CBLN2: variants seen among roughly 807,000 people sequenced by gnomAD.
The protein encoded by CBLN2 is cerebellin 2 precursor, also known as cerebellin-2.
In CBLN2, 7 loss-of-function variants were observed where a neutral mutation model predicts 15.0. That is an observed-to-expected ratio of 0.47 (90% CI 0.27 to 0.88). The LOEUF (loss-of-function observed/expected upper bound fraction) is 0.88. CBLN2 is among the 40% of genes least tolerant of loss of function. CBLN2 has a pLI of 0.14. For missense variants in CBLN2, 242 were observed against 304.5 expected, an observed-to-expected ratio of 0.79 and a Z score of 1.53; for synonymous variants, 149 against 135.2, an observed-to-expected ratio of 1.10 and a Z score of -0.71.
intron 1 of CBLN2, among the ~76,000 whole-genome samples, chr18:72,611,084 T>G (rs1052704998): frequency 6.6e-6 from 1 of 152,246 alleles, no homozygotes; most frequent in Admixed American, 6.5e-5. Context: ...ATATTTTTTA[T>G]GGCTGCATAG....
At chr18:72,579,987 C>A (rs535980720) in intron 1 of CBLN2, among the ~76,000 whole-genome samples, 2 of 151,814 alleles carry the variant, frequency 1.3e-5, no homozygotes, top group South Asian at 4.2e-4. Context: ...TTAAATAGAT[C>A]AATAATTAAC....
At chr18:72,602,499 A>G (rs2144944271) in intron 1 of CBLN2, among the ~76,000 whole-genome samples, 1 of 151,156 alleles carries the variant, frequency 6.6e-6, no homozygotes, top group East Asian at 2.0e-4. Flanking sequence ...TCCCCAACTC[A>G]CCCCTGCATG....
intron 1 of CBLN2, among the ~76,000 whole-genome samples, chr18:72,585,916 G>A (rs1184095732): frequency 6.6e-6 from 1 of 152,238 alleles, no homozygotes; most frequent in Non-Finnish European, 1.5e-5. Context: ...CAACAGTGCT[G>A]GGGCTCAGCC....
At chr18:72,570,312 A>C (rs2069323259) in intron 1 of CBLN2, among the ~76,000 whole-genome samples, 1 of 124,434 alleles carries the variant, frequency 8.0e-6, no homozygotes. Flanking sequence ...CCCGCGGCTT[A>C]CTGCAGTCTT....
At chr18:72,614,937 C>T (rs1197855970) in intron 1 of CBLN2, among the ~76,000 whole-genome samples, 3 of 149,380 alleles carry the variant, frequency 2.0e-5, no homozygotes, top group African/African-American at 7.4e-5. Context: ...CACTGCTTTT[C>T]AGCATAATAT....
chr18:72,630,150 C>G (rs1359141722), intron 1 of CBLN2, among the ~76,000 whole-genome samples: 1 of 152,102 alleles, frequency 6.6e-6, no homozygotes, highest in African/African-American at 2.4e-5. Flanking sequence ...TGTCAATCCC[C>G]TGGAAGACTA....
intron 1 of CBLN2, among the ~76,000 whole-genome samples, chr18:72,556,539 G>C (rs1268351221): frequency 6.6e-6 from 1 of 152,200 alleles, no homozygotes; most frequent in African/African-American, 2.4e-5. Flanking sequence ...CCTGTTGCCT[G>C]CATTTGGTGT....
Position 72,543,620 on chromosome 18 carries a change from G to T in CBLN2, c.-211-90C>A. 2.6e-6 allele frequency: 1 copy of T among 389,032 alleles called. No individual in the cohort carries two copies. The highest frequency in any genetic ancestry group is 3.6e-5 in the East Asian group (1 of 27,514). The allele number at this position is 389,032 out of a possible 1,614,324, so 24.1% of individuals were successfully genotyped here. A position where few individuals can be genotyped will look rare whatever the true frequency, so the allele number is the denominator to read the frequency against. On this transcript the variant is annotated intron_variant, in intron 1 of 4. Coordinates refer to ENST00000269503, the MANE Select transcript of CBLN2 (RefSeq NM_182511.4). The surrounding 1 kb of genome is among the most constrained non-coding windows in gnomAD (Gnocchi z 6.8). ...CCAGCGCGTGGCCAATAACCGCGCC[G>T]CCCCGCCCTGCCGCTTTCCCGCGCC...
intron 1 of CBLN2, among the ~76,000 whole-genome samples, chr18:72,593,987 C>T (rs1210970418): frequency 1.3e-5 from 2 of 152,122 alleles, no homozygotes; most frequent in Non-Finnish European, 2.9e-5. Flanking sequence ...TTTGCAGGGA[C>T]ATGGATGAAG....
intron 1 of CBLN2, among the ~76,000 whole-genome samples, chr18:72,619,563 A>G (rs180710043): frequency 6.6e-6 from 1 of 152,314 alleles, no homozygotes; most frequent in African/African-American, 2.4e-5. Context: ...TCTTAAAAAA[A>G]GAAAAGTTTC....
intron 1 of CBLN2, among the ~76,000 whole-genome samples, chr18:72,578,694 A>T (rs1330875309): frequency 6.6e-6 from 1 of 152,174 alleles, no homozygotes; most frequent in Non-Finnish European, 1.5e-5. Context: ...TTTACTACGC[A>T]GTAATGTGGA....
chr18:72,609,419 CAAG>C (rs904817102), intron 1 of CBLN2, among the ~76,000 whole-genome samples: 5 of 151,986 alleles, frequency 3.3e-5, no homozygotes, highest in Non-Finnish European at 7.4e-5. Flanking sequence ...TTTGAAGACA[CAAG>C]AAGAAGATGG....
rs560884289 is a variant in CBLN2, at chr18:72,611,091, A to G, written c.15+27234T>C. Among the ~76,000 whole-genome samples, 6 of 152,290 alleles carry G rather than the reference A, an allele frequency of 3.9e-5. No homozygotes were observed. The East Asian group carries it at 9.7e-4, about 24-fold the overall frequency. On this transcript the variant is annotated intron_variant, in intron 1 of 2. Coordinates refer to the CBLN2 transcript ENST00000581073. ...ATTATTTCATATTTTTTATGGCTGC[A>G]TAGTATTTCATGGTGTATATGTACC...
At chr18:72,616,130 T>C (rs9319845) in intron 1 of CBLN2, among the ~76,000 whole-genome samples, 31,876 of 152,136 alleles carry the variant, frequency 0.21, 5,185 homozygotes, top group African/African-American at 0.46. Context: ...TTAAGAAATC[T>C]GCCTATCCTT....
rs574943445 is a variant in CBLN2 at position 72,597,526 on chromosome 18, A to T, written c.15+40799T>A. ...TAGTACAAGGCCTTGTCCAAGCCCC[A>T]TGGTAACCATAGTCTAGCCACTGCC... is the stretch of plus-strand genomic sequence containing the variant. On this transcript the variant is annotated intron_variant, in intron 1 of 2. Coordinates refer to the CBLN2 transcript ENST00000581073. Among the ~76,000 whole-genome samples, 7 of 152,308 alleles carry T rather than the reference A, an allele frequency of 4.6e-5. No individual in the cohort carries two copies. The South Asian group carries it at 1.5e-3, about 32-fold the overall frequency.
At chr18:72,596,738 G>C (rs554949349) in intron 1 of CBLN2, among the ~76,000 whole-genome samples, 1 of 152,290 alleles carries the variant, frequency 6.6e-6, no homozygotes, top group East Asian at 1.9e-4. Context: ...AGTATGTCAT[G>C]ACACTCTCTC....
intron 1 of CBLN2, among the ~76,000 whole-genome samples, chr18:72,621,163 T>A (rs1430343186): frequency 6.6e-6 from 1 of 152,228 alleles, no homozygotes; most frequent in Non-Finnish European, 1.5e-5. Flanking sequence ...ACTGTAGCGT[T>A]ATGATTCATA....
intron 1 of CBLN2, among the ~76,000 whole-genome samples, chr18:72,576,105 A>G (rs1333864551): frequency 6.6e-6 from 1 of 152,230 alleles, no homozygotes; most frequent in African/African-American, 2.4e-5. Context: ...TAAAACTAAC[A>G]TTAAACTAAA....
At chr18:72,617,532 C>G (rs1436153559) in intron 1 of CBLN2, among the ~76,000 whole-genome samples, 1 of 152,054 alleles carries the variant, frequency 6.6e-6, no homozygotes, top group Non-Finnish European at 1.5e-5. Context: ...TCAAGATCAT[C>G]CTAAGAAAGA....
Sources: allele counts gnomAD v4.1 joint callset (sites outside exome capture counted in the v4.1 genomes callset), GRCh38; gene constraint gnomAD v4.1.1; non-coding constraint Gnocchi (gnomAD v3.1); transcripts MANE v1.5; gene names NCBI Gene and HGNC (gene_info 2026-07-23, HGNC 2026-07-21).